The following MYO1D variants were observed in gnomAD, a reference collection of about 807,000 sequenced individuals.
The protein encoded by MYO1D is unconventional myosin-Id.
A neutral mutation model predicts 122.0 loss-of-function variants in MYO1D; 83 were observed. The ratio of observed to expected loss-of-function variants is 0.68; its 90% CI spans 0.57 to 0.82. The LOEUF (loss-of-function observed/expected upper bound fraction) is 0.82, where lower values mean the gene tolerates loss of function less well. Ranked by LOEUF, MYO1D falls within the 40% of genes least tolerant of loss-of-function variation. The pLI, the probability that MYO1D is intolerant of heterozygous loss-of-function variation, is 0.00. For synonymous variants in MYO1D, 464 were observed against 446.9 expected (o/e 1.04, Z -0.48); for missense variants, 1,157 against 1,269.5 (o/e 0.91, Z 1.35).
At chr17:32,831,317 C>A (rs2090769748) in intron 1 of MYO1D, among the ~76,000 whole-genome samples, 1 of 152,132 alleles carries the variant, frequency 6.6e-6, no homozygotes, top group Admixed American at 6.5e-5. Flanking sequence ...TTTTTGCTGT[C>A]TTAGATCACG....
chr17:32,508,282 CT>C (rs138027843), intron 21 of MYO1D, among the ~76,000 whole-genome samples: 5,672 of 148,556 alleles, frequency 0.038, 350 homozygotes, highest in African/African-American at 0.13. Context: ...TCTATGGTAT[CT>C]TTTTTTTTTG....
chr17:32,495,555 G>A (rs1287806301), intron 21 of MYO1D: 1 of 152,476 alleles, frequency 6.6e-6, no homozygotes, highest in Non-Finnish European at 1.5e-5. Flanking sequence ...GCTTCAGCCG[G>A]GCGTCCGGCC....
chr17:32,809,762 G>A (rs2090553113), intron 1 of MYO1D, among the ~76,000 whole-genome samples: 1 of 152,106 alleles, frequency 6.6e-6, no homozygotes, highest in Non-Finnish European at 1.5e-5. Context: ...TAAAATAAGG[G>A]GCACTCATGC....
At chr17:32,611,796 G>A (rs762837000) in intron 20 of MYO1D, among the ~76,000 whole-genome samples, 31 of 152,348 alleles carry the variant, frequency 2.0e-4, no homozygotes, top group South Asian at 1.7e-3. Flanking sequence ...CCGAGATCAT[G>A]CCACTGCCCT....
chr17:32,834,883 G>A (rs958409530), intron 1 of MYO1D, among the ~76,000 whole-genome samples: 2 of 152,072 alleles, frequency 1.3e-5, no homozygotes, highest in African/African-American at 2.4e-5. Context: ...ATGGTGGTGC[G>A]CCCCTGTAGT....
intron 16 of MYO1D, among the ~76,000 whole-genome samples, chr17:32,708,035 C>T (rs2089329995): frequency 6.6e-6 from 1 of 152,184 alleles, no homozygotes; most frequent in African/African-American, 2.4e-5. Context: ...GATCCTCTCG[C>T]TGTAATAAAT....
chr17:32,587,120 T>C (rs947929554), intron 21 of MYO1D, among the ~76,000 whole-genome samples: 5 of 152,194 alleles, frequency 3.3e-5, no homozygotes, highest in African/African-American at 1.2e-4. Context: ...ACTCATTAGG[T>C]TAGGACTCTG....
chr17:32,582,321 G>C (rs914270661), intron 21 of MYO1D, among the ~76,000 whole-genome samples: 1 of 152,198 alleles, frequency 6.6e-6, no homozygotes, highest in Admixed American at 6.5e-5. Flanking sequence ...TTCCATGTAA[G>C]TATTGCTTCA....
At chr17:32,777,671 C>T (rs937005104) in intron 3 of MYO1D, among the ~76,000 whole-genome samples, 1 of 152,088 alleles carries the variant, frequency 6.6e-6, no homozygotes, top group African/African-American at 2.4e-5. Flanking sequence ...TTCGGCCGGG[C>T]GCGGTGGCAC....
chr17:32,759,025 C>T (rs2089974957), intron 10 of MYO1D, among the ~76,000 whole-genome samples: 1 of 152,084 alleles, frequency 6.6e-6, no homozygotes, highest in African/African-American at 2.4e-5. Flanking sequence ...ATTTGAATAA[C>T]AAGTTTTATG....
At chr17:32,706,126 G>A (rs2089305767) in intron 16 of MYO1D, among the ~76,000 whole-genome samples, 1 of 151,872 alleles carries the variant, frequency 6.6e-6, no homozygotes, top group South Asian at 2.1e-4. Flanking sequence ...TAATTTTTTG[G>A]AGACAGAGTC....
At chr17:32,678,266 C>A (rs377755219) in intron 16 of MYO1D, among the ~76,000 whole-genome samples, 6 of 124,686 alleles carry the variant, frequency 4.8e-5, no homozygotes, top group Non-Finnish European at 1.1e-4. Context: ...TTTTTTTTTT[C>A]TTTTATTATA....
intron 1 of MYO1D, among the ~76,000 whole-genome samples, chr17:32,827,655 G>A (rs1227976976): frequency 6.6e-6 from 1 of 151,648 alleles, no homozygotes; most frequent in East Asian, 1.9e-4. Context: ...ACCTCCAATC[G>A]ATTCAACTGA....
chr17:32,520,918 A>G (rs1910112743), intron 21 of MYO1D, among the ~76,000 whole-genome samples: 1 of 152,202 alleles, frequency 6.6e-6, no homozygotes, highest in African/African-American at 2.4e-5. Context: ...TGCAGGCGGT[A>G]TTGGGAATGG....
chr17:32,496,556 C>T (rs566374767), intron 21 of MYO1D, among the ~76,000 whole-genome samples: 3 of 152,324 alleles, frequency 2.0e-5, no homozygotes, highest in African/African-American at 7.2e-5. Context: ...CATGTGCAGC[C>T]CTTGGCGGCG....
At chr17:32,853,161 T>C (rs1015383639) in intron 1 of MYO1D, among the ~76,000 whole-genome samples, 2 of 152,194 alleles carry the variant, frequency 1.3e-5, no homozygotes, top group African/African-American at 4.8e-5. Context: ...AATTCTACCT[T>C]CTCAACAGAT....
intron 21 of MYO1D, among the ~76,000 whole-genome samples, chr17:32,504,253 T>TC (rs1909419862): frequency 6.6e-6 from 1 of 152,148 alleles, no homozygotes. Context: ...CCTGCTTGTG[T>TC]CCCCAACAGG....
intron 21 of MYO1D, among the ~76,000 whole-genome samples, chr17:32,574,145 C>A (rs1171469997): frequency 6.6e-6 from 1 of 152,138 alleles, no homozygotes; most frequent in Non-Finnish European, 1.5e-5. Flanking sequence ...AGCCACTGCG[C>A]CCGGCCCCCT....
intron 16 of MYO1D, among the ~76,000 whole-genome samples, chr17:32,699,497 G>A (rs1226521819): frequency 2.0e-5 from 3 of 152,100 alleles, no homozygotes; most frequent in African/African-American, 4.8e-5. Context: ...GGGTGGCCAC[G>A]CCTATCCCTA....
Sources: allele counts gnomAD v4.1 joint callset (sites outside exome capture counted in the v4.1 genomes callset), GRCh38; gene constraint gnomAD v4.1.1; transcripts MANE v1.5; gene names NCBI Gene and HGNC (gene_info 2026-07-23, HGNC 2026-07-21).